Variants in RFPL2 observed in about 807,000 individuals in gnomAD.
The protein encoded by RFPL2 is ret finger protein like 2, also known as ret finger protein-like 2.
A neutral mutation model predicts 17.8 loss-of-function variants in RFPL2; 13 were observed. The observed-to-expected ratio is 0.73, with a 90% CI of 0.47 to 1.16. The LOEUF is 1.16. Ranked by LOEUF, RFPL2 falls within the 50% of genes most tolerant of loss-of-function variation. The pLI, the probability that RFPL2 is intolerant of heterozygous loss-of-function variation, is 0.00. For synonymous variants in RFPL2, 189 were observed against 180.9 expected, an observed-to-expected ratio of 1.04 and a Z score of -0.36; for missense variants, 431 against 479.3, an observed-to-expected ratio of 0.90 and a Z score of 0.94.
intron 2 of RFPL2, 37 bp downstream of exon 2, chr22:32,202,296 C>G (rs765750565): frequency 8.1e-5 from 127 of 1,559,004 alleles, no homozygotes; most frequent in South Asian, 4.4e-4. Context: ...AAGACTCCAC[C>G]CTGGAGCAAT....
intron 3 of RFPL2, among the ~76,000 whole-genome samples, chr22:32,193,950 A>T (rs187123961): frequency 6.6e-6 from 1 of 151,464 alleles, no homozygotes; most frequent in East Asian, 1.9e-4. Context: ...AGGCAGGAAG[A>T]TCCCTTGAAC....
At chr22:32,204,185 G>C (rs960568163) in intron 1 of RFPL2, among the ~76,000 whole-genome samples, 5 of 146,766 alleles carry the variant, frequency 3.4e-5, no homozygotes, top group Non-Finnish European at 7.5e-5. Flanking sequence ...AGGCAGTGTA[G>C]CCCATAGATA....
rs531168100 is a variant in RFPL2, at chr22:32,196,597, G to A, written c.120-2107C>T. 2.3e-4 allele frequency among the ~76,000 whole-genome samples: 35 copies of A among 152,338 alleles called. No homozygotes were observed. The South Asian group carries it at 7.0e-3, about 31-fold the overall frequency. On this transcript the variant is annotated intron_variant, in intron 2 of 4. Transcript: ENST00000652607. ...CATCCACATGTAAAGACAGAGTCCAGTCCTGGTTTATCCTCTGTGTGAGAA... is the reference window on the plus strand; with the variant it reads ...CATCCACATGTAAAGACAGAGTCCAATCCTGGTTTATCCTCTGTGTGAGAA...
intron 2 of RFPL2, among the ~76,000 whole-genome samples, chr22:32,195,045 A>G (rs1190958784): frequency 1.3e-5 from 2 of 152,226 alleles, no homozygotes; most frequent in Admixed American, 1.3e-4. Context: ...TCAAATAAAA[A>G]TTGTTACCCG....
intron 1 of RFPL2, among the ~76,000 whole-genome samples, 137 bp downstream of exon 1, chr22:32,204,570 T>G (rs923545004): frequency 1.3e-5 from 2 of 152,118 alleles, no homozygotes; most frequent in Non-Finnish European, 2.9e-5. Flanking sequence ...GAGCCCTGGA[T>G]AGCTCATCCA....
At chr22:32,201,227 AC>A (rs1441460964) in intron 2 of RFPL2, among the ~76,000 whole-genome samples, 2 of 151,930 alleles carry the variant, frequency 1.3e-5, no homozygotes, top group Non-Finnish European at 2.9e-5. Context: ...TTTAGTAGAG[AC>A]GGGGTTTCAC....
chr22:32,195,404 T>G (rs1455401832), intron 2 of RFPL2, among the ~76,000 whole-genome samples: 2 of 152,208 alleles, frequency 1.3e-5, no homozygotes, highest in African/African-American at 4.8e-5. Flanking sequence ...GATACATGCA[T>G]GTATAATAAT....
At chr22:32,202,299 G>A (rs537480789) in intron 2 of RFPL2, 34 bp downstream of exon 2, 42 of 1,561,040 alleles carry the variant, frequency 2.7e-5, no homozygotes, top group Middle Eastern at 3.3e-4. Flanking sequence ...ACTCCACCCT[G>A]GAGCAATGCG....
chr22:32,190,907 T>C lies in RFPL2; in HGVS notation c.1002A>G (p.Val334=). ...ATGGGCGCAATGGCTCCTCAGCAGATACGCTCCTGAATGTATAGACATGGG... is the reference window on the plus strand; with the variant it reads ...ATGGGCGCAATGGCTCCTCAGCAGACACGCTCCTGAATGTATAGACATGGG... ...SGSHVYTFRS[V]SAEEPLRPFL... Residue 334 remains valine (V), a synonymous_variant, in exon 5 of 5, where the codon GTA becomes GTG. Transcript: ENST00000652607. The C allele has an allele frequency of 6.2e-7, 1 of 1,601,276 alleles. No individual in the cohort carries two copies. Among genetic ancestry groups the C allele is most frequent in the Non-Finnish European group, 8.5e-7 (1 of 1,172,908 alleles).
rs749194871 is a variant in RFPL2, at chr22:32,191,260, G to A, written c.649C>T (p.Arg217Trp). The A allele has an allele frequency of 4.3e-6, 7 of 1,613,950 alleles. No individual in the cohort carries two copies. The highest frequency in any genetic ancestry group is 2.7e-5 in the African/African-American group (2 of 75,028). ...TCAAATCTCTCGGCAAGGTCTTGCC[G>A]ATTCTGTCTGATGCGCCCACTTCGG... is the stretch of plus-strand genomic sequence containing the variant. ...SVRSGRIRQN[R>W]QDLAERFDVS... is the part of the protein sequence containing the mutation. Residue 217 changes from arginine to tryptophan, a missense_variant, in exon 5 of 5, where the codon CGG becomes TGG. Transcript: ENST00000652607.
chr22:32,202,421 T>C lies in RFPL2; in HGVS notation c.31A>G (p.Thr11Ala). The change falls in exon 2 of 5, where the codon ACT becomes GCT. Residue 11 changes from threonine (T) to alanine (A), a missense_variant. Thr to Ala is a moderately conservative substitution (Grantham distance 58). Transcript: ENST00000652607. ...CAGATCCTGGATTGGGACACTGCAG[T>C]CTCTGGGAAGCCTAATTCAGCCACC... MEVAELGFPE[T>A]AVSQSRICLC... 1.9e-6 allele frequency: 3 copies of C among 1,601,798 alleles called. No homozygotes were observed. Among genetic ancestry groups the C allele is most frequent in the Non-Finnish European group, 2.6e-6 (3 of 1,174,222 alleles).
Position 32,190,867 on chromosome 22 carries a change from C to T in RFPL2, c.1042G>A (p.Val348Ile), listed in dbSNP as rs136467. ...ACACCTTGATCACCATTAGGTGGAA[C>T]TGAAGGAGCCAAAAATGGGCGCAAT... is the stretch of plus-strand genomic sequence containing the variant. Reference protein sequence around the residue: ...EPLRPFLAPSVPPNGDQGVLS... With the variant: ...EPLRPFLAPSIPPNGDQGVLS... Residue 348 changes from valine to isoleucine, a missense_variant, in exon 5 of 5, where the codon GTT becomes ATT. Transcript: ENST00000652607. 710,661 of 1,502,184 alleles carry T rather than the reference C, an allele frequency of 0.47. 187,336 individuals are homozygous for T. The highest frequency in any genetic ancestry group is 0.79 in the African/African-American group (56,274 of 71,466). 93.1% of individuals were successfully genotyped at this position (1,502,184 alleles called of 1,614,324 possible).
At chr22:32,197,394 T>A (rs894133638) in intron 2 of RFPL2, among the ~76,000 whole-genome samples, 2 of 152,148 alleles carry the variant, frequency 1.3e-5, no homozygotes, top group Admixed American at 1.3e-4. Context: ...AGTTCTTTTT[T>A]TTTTCTTTTT....
chr22:32,203,628 C>A (rs1924207131), intron 1 of RFPL2, among the ~76,000 whole-genome samples: 1 of 151,086 alleles, frequency 6.6e-6, no homozygotes, highest in Non-Finnish European at 1.5e-5. Flanking sequence ...CCCATACACG[C>A]TCCTGGCTGT....
rs1465739094 is a variant in RFPL2, at chr22:32,190,922, A to G, written c.987T>C (p.Tyr329=). 4.4e-6 allele frequency: 7 copies of G among 1,603,082 alleles called. No individual in the cohort carries two copies. Among genetic ancestry groups the G allele is most frequent in the African/African-American group, 1.4e-5 (1 of 74,008 alleles). Residue 329 remains tyrosine (Y), a synonymous_variant, in exon 5 of 5, where the codon TAT becomes TAC. Coordinates refer to ENST00000652607, the MANE Select transcript of RFPL2 (RefSeq NM_001394555.1). ...CCTCAGCAGATACGCTCCTGAATGT[A>G]TAGACATGGGAACCACTTTCAGCAT... ...FFDAESGSHV[Y]TFRSVSAEEP...
intron 1 of RFPL2, among the ~76,000 whole-genome samples, chr22:32,203,814 C>A (rs1288484421): frequency 6.6e-6 from 1 of 151,792 alleles, no homozygotes; most frequent in East Asian, 1.9e-4. Flanking sequence ...CAAGCCCCTC[C>A]ACTGACCCCC....
chr22:32,204,226 G>A (rs1020690737), intron 1 of RFPL2, among the ~76,000 whole-genome samples: 2 of 150,484 alleles, frequency 1.3e-5, no homozygotes, highest in Non-Finnish European at 3.0e-5. Context: ...GCCAAGGGCA[G>A]TGACGCCTCG....
intron 2 of RFPL2, among the ~76,000 whole-genome samples, chr22:32,197,845 A>G (rs1051885313): frequency 2.0e-5 from 3 of 152,164 alleles, no homozygotes; most frequent in African/African-American, 7.2e-5. Flanking sequence ...TTTAGAGATC[A>G]CACTCCGGCT....
intron 2 of RFPL2, among the ~76,000 whole-genome samples, chr22:32,197,020 T>C (rs1923405270): frequency 6.6e-6 from 1 of 152,244 alleles, no homozygotes; most frequent in Non-Finnish European, 1.5e-5. Context: ...GAAAAGTTTC[T>C]AGCATTGGGC....
Sources: allele counts gnomAD v4.1 joint callset (sites outside exome capture counted in the v4.1 genomes callset), GRCh38; gene constraint gnomAD v4.1.1; transcripts MANE v1.5; gene names NCBI Gene and HGNC (gene_info 2026-07-23, HGNC 2026-07-21).